ARHGEF4: variants seen among roughly 807,000 people sequenced by gnomAD.
The protein encoded by ARHGEF4 is APC-stimulated guanine nucleotide exchange factor 1.
Under a neutral mutation model 162.0 loss-of-function variants are expected in ARHGEF4, and 119 were observed. That is an observed-to-expected ratio of 0.73 (90% confidence interval 0.63 to 0.86). The LOEUF (loss-of-function observed/expected upper bound fraction) is 0.86, where lower values mean the gene tolerates loss of function less well. Among genes scored for constraint, ARHGEF4 ranks in the 40% least tolerant of loss-of-function variants. ARHGEF4 has a pLI of 0.00. For synonymous variants in ARHGEF4, 1,014 were observed against 979.9 expected (o/e 1.03, Z -0.65); for missense variants, 2,488 against 2,456.0 (o/e 1.01, Z -0.28).
intron 1 of ARHGEF4, among the ~76,000 whole-genome samples, chr2:130,841,965 C>A (rs1217657374): frequency 2.0e-5 from 3 of 152,218 alleles, no homozygotes; most frequent in Non-Finnish European, 4.4e-5. Flanking sequence ...GCTCTTCCCC[C>A]AGGGTCGGGG....
rs1681440991 is a variant in ARHGEF4 at position 130,915,700 on chromosome 2, G to GTCTTTCAGAA, written c.1756_1765dup (p.Phe589SerfsTer17). 3.2e-6 allele frequency: 5 copies of GTCTTTCAGAA among 1,550,224 alleles called. No individual in the cohort carries two copies. Among genetic ancestry groups the GTCTTTCAGAA allele is most frequent in the Middle Eastern group, 1.7e-4 (1 of 6,006 alleles). ...AACTACAGGGAACAGGCTTTGCAAG[G>GTCTTTCAGAA]TCTTTCAGAATTCAAGGCAGCCACG... On this transcript the variant is annotated frameshift_variant, in exon 2 of 14. Coordinates refer to ENST00000409359, the MANE Select transcript of ARHGEF4 (RefSeq NM_001367493.1). LOFTEE classifies it high-confidence loss of function.
At chr2:130,907,775 T>A (rs1680920741) in intron 1 of ARHGEF4, among the ~76,000 whole-genome samples, 3 of 151,700 alleles carry the variant, frequency 2.0e-5, no homozygotes, top group South Asian at 4.2e-4. Context: ...AATAACATGG[T>A]GAAACCCCAT....
intron 4 of ARHGEF4, among the ~76,000 whole-genome samples, chr2:131,001,592 G>A (rs755985492): frequency 6.6e-6 from 1 of 152,074 alleles, no homozygotes; most frequent in African/African-American, 2.4e-5. Flanking sequence ...AATTTATACA[G>A]ATACTTCAGA....
Position 130,840,770 on chromosome 2 carries a change from C to T in ARHGEF4, c.39+3778C>T, listed in dbSNP as rs1680549093. Among the ~76,000 whole-genome samples the T allele has an allele frequency of 2.6e-5, 4 of 152,316 alleles. No individual in the cohort carries two copies. In the South Asian group the frequency reaches 8.3e-4, roughly 32 times the overall value. ...CACTCCTGGTGGCAGGCTGTGGAGACATCCTGGGCTACCAGGAACAGTGTC... is the reference window on the plus strand; with the variant it reads ...CACTCCTGGTGGCAGGCTGTGGAGATATCCTGGGCTACCAGGAACAGTGTC... On this transcript the variant is annotated intron_variant, in intron 1 of 13. Transcript: ENST00000409359.
intron 1 of ARHGEF4, among the ~76,000 whole-genome samples, chr2:130,867,439 T>C (rs1233844682): frequency 6.6e-6 from 1 of 152,002 alleles, no homozygotes; most frequent in Non-Finnish European, 1.5e-5. Context: ...GGTTTCACCA[T>C]GTTGGCCAGG....
At chr2:130,993,611 A>C (rs574087565) in intron 4 of ARHGEF4, among the ~76,000 whole-genome samples, 1 of 152,060 alleles carries the variant, frequency 6.6e-6, no homozygotes, top group East Asian at 1.9e-4. Context: ...GAAGCATACA[A>C]ATTTAGATTT....
At chr2:131,039,487 C>G (rs567808090) in intron 6 of ARHGEF4, 687 of 1,024,456 alleles carry the variant, frequency 6.7e-4, no homozygotes, top group Non-Finnish European at 7.8e-4. Flanking sequence ...CTCCAGTCTT[C>G]AAGGAAGGAA....
At chr2:131,028,119 A>G (rs1243625381) in intron 5 of ARHGEF4, 35 bp downstream of exon 5, 1 of 1,610,358 alleles carries the variant, frequency 6.2e-7, no homozygotes. Context: ...AGGGAGGGAC[A>G]GGCTGGGGCT....
At chr2:130,902,831 C>T (rs897544682) in intron 1 of ARHGEF4, among the ~76,000 whole-genome samples, 11 of 152,202 alleles carry the variant, frequency 7.2e-5, no homozygotes, top group African/African-American at 2.7e-4. Flanking sequence ...TTGAGAACTA[C>T]ATCTGACATT....
At chr2:130,853,376 A>G (rs1184147934) in intron 1 of ARHGEF4, among the ~76,000 whole-genome samples, 1 of 152,068 alleles carries the variant, frequency 6.6e-6, no homozygotes, top group African/African-American at 2.4e-5. Flanking sequence ...GGCTTCACAG[A>G]GTTGTTTTTC....
chr2:130,971,364 C>T lies in ARHGEF4; in HGVS notation c.3985+24729C>T, dbSNP rs117027114. 3.0e-4 allele frequency among the ~76,000 whole-genome samples: 46 copies of T among 152,092 alleles called. No individual in the cohort carries two copies. In the East Asian group the frequency reaches 6.2e-3, roughly 20 times the overall value. On this transcript the variant is annotated intron_variant, in intron 4 of 13. Coordinates refer to ENST00000409359, the MANE Select transcript of ARHGEF4 (RefSeq NM_001367493.1). ...TGCCTTTTCATATACATTTTAGAACCAACTTGTCAATATCAGTTAGGTGCA... is the reference window on the plus strand; with the variant it reads ...TGCCTTTTCATATACATTTTAGAACTAACTTGTCAATATCAGTTAGGTGCA...
At chr2:131,004,108 G>A (rs1687951261) in intron 4 of ARHGEF4, among the ~76,000 whole-genome samples, 1 of 152,132 alleles carries the variant, frequency 6.6e-6, no homozygotes, top group South Asian at 2.1e-4. Context: ...CCAGTGTGGT[G>A]CAGGCCTTCC....
intron 4 of ARHGEF4, among the ~76,000 whole-genome samples, chr2:130,975,700 A>C (rs1464205753): frequency 6.6e-6 from 1 of 152,222 alleles, no homozygotes; most frequent in Non-Finnish European, 1.5e-5. Flanking sequence ...GAAGAACTGT[A>C]ATGGCTTCCT....
chr2:130,898,941 C>T (rs1010702123), intron 1 of ARHGEF4, among the ~76,000 whole-genome samples: 11 of 152,118 alleles, frequency 7.2e-5, no homozygotes, highest in Non-Finnish European at 1.3e-4. Flanking sequence ...CACTCCCAAA[C>T]ACACGCATGC....
chr2:130,904,592 T>G (rs544395584), intron 1 of ARHGEF4, among the ~76,000 whole-genome samples: 18 of 152,312 alleles, frequency 1.2e-4, no homozygotes, highest in African/African-American at 4.1e-4. Flanking sequence ...ACCTAAACAT[T>G]GTACGGACTA....
chr2:130,931,002 C>A lies in ARHGEF4; in HGVS notation c.3603C>A (p.His1201Gln), dbSNP rs1350776962. The change falls in exon 3 of 14, where the codon CAC becomes CAA. Residue 1201 changes from histidine (H) to glutamine (Q), a missense_variant. This residue lies in a region of ARHGEF4 where 1,642 missense variants were observed against 1,481.5 expected (regional missense o/e 1.11). Transcript: ENST00000409359. ...CAGGTGAGAAGCCCAGTTGCTCTCACAGTCAGAAGGCGTTCCACATGGAGC... is the reference window on the plus strand; with the variant it reads ...CAGGTGAGAAGCCCAGTTGCTCTCAAAGTCAGAAGGCGTTCCACATGGAGC... ...EPAGEKPSCS[H>Q]SQKAFHMEPA... is the part of the protein sequence containing the mutation. The A allele has an allele frequency of 2.5e-6, 4 of 1,613,434 alleles. No individual in the cohort carries two copies. The highest frequency in any genetic ancestry group is 3.4e-6 in the Non-Finnish European group (4 of 1,179,452).
At chr2:131,016,498 T>C (rs1168016920) in intron 4 of ARHGEF4, among the ~76,000 whole-genome samples, 1 of 152,250 alleles carries the variant, frequency 6.6e-6, no homozygotes, top group Non-Finnish European at 1.5e-5. Context: ...CTGTTTCTAC[T>C]CCAAGACTGT....
In ARHGEF4 at chr2:131,040,209, G is replaced by A. The variant is rs759880366; in HGVS notation, c.4482+17G>A. ...ATCTGCGAGGTGAGGCCCGGCCGGC[G>A]GGCGGTGACTGGGGACCCGGTCGGG... On this transcript the variant is annotated intron_variant, in intron 7 of 13. Coordinates refer to ENST00000409359, the MANE Select transcript of ARHGEF4 (RefSeq NM_001367493.1). 4 of 1,608,808 alleles carry A rather than the reference G, an allele frequency of 2.5e-6. No homozygotes were observed. Among genetic ancestry groups the A allele is most frequent in the Non-Finnish European group, 2.5e-6 (3 of 1,176,844 alleles).
Position 130,849,503 on chromosome 2 carries a change from A to G in ARHGEF4, c.39+12511A>G, listed in dbSNP as rs576724589. Reference sequence around the variant, plus strand: ...GCCTGTCTGCCCTGGAACTTGAAGGAGGAGACCCTCAATCTCTAAGCAGAG... The same window carrying G: ...GCCTGTCTGCCCTGGAACTTGAAGGGGGAGACCCTCAATCTCTAAGCAGAG... On this transcript the variant is annotated intron_variant, in intron 1 of 13. Coordinates refer to ENST00000409359, the MANE Select transcript of ARHGEF4 (RefSeq NM_001367493.1). Among the ~76,000 whole-genome samples the G allele has an allele frequency of 4.6e-5, 7 of 151,506 alleles. No individual in the cohort carries two copies. In the East Asian group the frequency reaches 1.4e-3, roughly 29 times the overall value.
Sources: gnomAD v4.1 joint callset for allele counts (sites outside exome capture counted in the v4.1 genomes callset) on GRCh38, gnomAD v4.1.1 for gene constraint, gnomAD v4.1.1 regional missense constraint, MANE v1.5 for transcripts, NCBI Gene and HGNC (gene_info 2026-07-23, HGNC 2026-07-21) for gene names.